Variants in FAAH2 observed in about 807,000 individuals in gnomAD.
FAAH2 encodes the protein fatty acid amide hydrolase 2.
In FAAH2, 60 loss-of-function variants were observed where a neutral mutation model predicts 36.9. The observed-to-expected ratio is 1.63, with a 90% CI of 1.32 to 2.02. The LOEUF is 2.02. Ranked by LOEUF, FAAH2 falls within the 30% of genes most tolerant of loss-of-function variation. The pLI is 0.00. For missense variants in FAAH2, 689 were observed against 397.5 expected (o/e 1.73, Z -6.23); for synonymous variants, 214 against 143.8 (o/e 1.49, Z -3.49).
chrX:57,308,753 T>TA (rs957973690), intron 2 of FAAH2, among the ~76,000 whole-genome samples: 2 of 111,589 alleles, frequency 1.8e-5, no homozygotes, highest in Non-Finnish European at 3.8e-5. Flanking sequence ...CACATGGCAG[T>TA]AAAAAATCCT....
chrX:57,434,083 ATT>A lies in FAAH2; in HGVS notation c.1116+2064_1116+2065del, dbSNP rs771256980. Among the ~76,000 whole-genome samples, 324 of 94,050 alleles carry A rather than the reference ATT, an allele frequency of 3.4e-3. 1 individual carries two copies. Among genetic ancestry groups the A allele is most frequent in the African/African-American group, 0.012 (298 of 25,469 alleles). The allele number at this position is 94,050 out of a possible 115,157, so 81.7% of individuals were successfully genotyped here. A position where few individuals can be genotyped will look rare whatever the true frequency, so the allele number is the denominator to read the frequency against. Reference sequence around the variant, plus strand: ...AAAAAGGCTTAATGAAATTAAATTGATTTTTTTTTTTTTTTTTTTGAGACAGA... The same window carrying A: ...AAAAAGGCTTAATGAAATTAAATTGATTTTTTTTTTTTTTTTTGAGACAGA... On this transcript the variant is annotated intron_variant, in intron 8 of 10. Coordinates refer to ENST00000374900, the MANE Select transcript of FAAH2 (RefSeq NM_174912.4).
At chrX:57,162,391 T>A in the FAAH2 span, among the ~76,000 whole-genome samples, 1 of 111,511 alleles carries the variant, frequency 9.0e-6, no homozygotes, top group Non-Finnish European at 1.9e-5. Flanking sequence ...GTATTTCCTG[T>A]ATCTGAATGT....
At chrX:57,441,702 G>C (rs1435932560) in intron 8 of FAAH2, among the ~76,000 whole-genome samples, 2 of 110,482 alleles carry the variant, frequency 1.8e-5, no homozygotes, top group Non-Finnish European at 3.8e-5. Flanking sequence ...TGTGATATTA[G>C]GGTGTCAATT....
intron 5 of FAAH2, among the ~76,000 whole-genome samples, chrX:57,344,413 T>C (rs946774178): frequency 9.0e-6 from 1 of 111,586 alleles, no homozygotes; most frequent in South Asian, 3.7e-4. Flanking sequence ...AAGAATATTA[T>C]TGAAGTGTAG....
chrX:57,442,807 G>A (rs1235515731), intron 8 of FAAH2, among the ~76,000 whole-genome samples: 6 of 111,430 alleles, frequency 5.4e-5, no homozygotes, highest in Non-Finnish European at 1.1e-4. Context: ...CAGGCCTGGT[G>A]GTGACAAAAT....
chrX:57,148,867 G>T, the FAAH2 span, among the ~76,000 whole-genome samples: 1 of 111,479 alleles, frequency 9.0e-6, no homozygotes, highest in African/African-American at 3.3e-5. Flanking sequence ...TCCAGTTTTT[G>T]CCCATTCAGT....
At chrX:57,134,074 G>T in the FAAH2 span, among the ~76,000 whole-genome samples, 1 of 111,272 alleles carries the variant, frequency 9.0e-6, no homozygotes, top group Non-Finnish European at 1.9e-5. Flanking sequence ...CGGGTTTTCA[G>T]ATGGGCTATA....
At chrX:57,420,761 A>C (rs2055998417) in intron 7 of FAAH2, among the ~76,000 whole-genome samples, 1 of 107,808 alleles carries the variant, frequency 9.3e-6, no homozygotes, top group South Asian at 4.3e-4. Context: ...CACTATGTTG[A>C]ATAGGAGTGG....
chrX:57,299,510 A>G (rs1340646940), intron 2 of FAAH2, among the ~76,000 whole-genome samples: 33 of 111,537 alleles, frequency 3.0e-4, no homozygotes, highest in African/African-American at 9.8e-4. Context: ...TACTGAATGG[A>G]CAAAAACTGG....
chrX:57,344,649 C>T (rs2053772460), intron 5 of FAAH2, among the ~76,000 whole-genome samples: 2 of 110,933 alleles, frequency 1.8e-5, no homozygotes, highest in African/African-American at 6.5e-5. Flanking sequence ...AGACTGGACA[C>T]CTTTGTCTTA....
the FAAH2 span, among the ~76,000 whole-genome samples, chrX:57,223,885 A>G: frequency 8.9e-6 from 1 of 111,757 alleles, no homozygotes; most frequent in African/African-American, 3.3e-5. Flanking sequence ...TTAGGTATAA[A>G]ATGGGTTCTC....
intron 7 of FAAH2, among the ~76,000 whole-genome samples, chrX:57,416,815 G>A (rs748441301): frequency 8.9e-6 from 1 of 112,192 alleles, no homozygotes; most frequent in East Asian, 2.8e-4. Context: ...ATATTCTGAA[G>A]AGTGTTTTTC....
intron 10 of FAAH2, among the ~76,000 whole-genome samples, chrX:57,473,746 C>A (rs1217817595): frequency 1.8e-5 from 2 of 111,381 alleles, no homozygotes; most frequent in African/African-American, 3.2e-5. Context: ...TTTATTGGAG[C>A]TTTTCTTAAT....
At chrX:57,130,428 C>G in the FAAH2 span, among the ~76,000 whole-genome samples, 1 of 111,946 alleles carries the variant, frequency 8.9e-6, no homozygotes, top group South Asian at 3.7e-4. Context: ...GTTGCCAAAG[C>G]ATCAGGTTAT....
the FAAH2 span, among the ~76,000 whole-genome samples, chrX:57,253,536 G>A: frequency 9.0e-6 from 1 of 111,682 alleles, no homozygotes; most frequent in Non-Finnish European, 1.9e-5. Flanking sequence ...CAGGTTACCC[G>A]CAAAAGGAAG....
intron 7 of FAAH2, among the ~76,000 whole-genome samples, chrX:57,425,173 CA>C (rs893384863): frequency 9.0e-6 from 1 of 110,583 alleles, no homozygotes; most frequent in Non-Finnish European, 1.9e-5. Context: ...TCCACTCTGA[CA>C]AAAAAAGAAA....
At chrX:57,461,142 T>C (rs2056950779) in intron 10 of FAAH2, among the ~76,000 whole-genome samples, 1 of 61,783 alleles carries the variant, frequency 1.6e-5, no homozygotes, top group African/African-American at 3.6e-5. Context: ...AGCACCAGAT[T>C]AATAAAAAAA....
At chrX:57,424,436 C>A (rs2056111975) in intron 7 of FAAH2, among the ~76,000 whole-genome samples, 1 of 111,865 alleles carries the variant, frequency 8.9e-6, no homozygotes, top group African/African-American at 3.3e-5. Context: ...GAAGTTTGAA[C>A]TAAGCAACCC....
intron 4 of FAAH2, among the ~76,000 whole-genome samples, chrX:57,332,089 G>GA (rs1187035317): frequency 2.7e-5 from 3 of 111,381 alleles, no homozygotes; most frequent in Non-Finnish European, 5.7e-5. Context: ...TAGAGACTAG[G>GA]AAAAAAAAGT....
Sources: allele counts gnomAD v4.1 joint callset (sites outside exome capture counted in the v4.1 genomes callset), GRCh38; gene constraint gnomAD v4.1.1; transcripts MANE v1.5; gene names NCBI Gene and HGNC (gene_info 2026-07-23, HGNC 2026-07-21).